The following COPA variants were observed in gnomAD, a reference collection of about 807,000 sequenced individuals.
COPA encodes coatomer subunit alpha.
COPA carries 10 observed loss-of-function variants against 158.7 expected under a neutral mutation model. The ratio of observed to expected loss-of-function variants is 0.06; its 90% confidence interval spans 0.04 to 0.11. COPA has a LOEUF of 0.11. Ranked by LOEUF, COPA falls within the 10% of genes least tolerant of loss-of-function variation. COPA has a pLI of 1.00. For synonymous variants in COPA, 462 were observed against 542.8 expected (o/e 0.85, Z 2.07); for missense variants, 1,065 against 1,536.7 (o/e 0.69, Z 5.13).
At position 160,297,742 on chromosome 1, in the gene COPA, C is replaced by T. The variant is rs1024535818; in HGVS notation, c.1981G>A (p.Ala661Thr). 1.9e-6 allele frequency: 3 copies of T among 1,613,228 alleles called. No homozygotes were observed. The African/African-American group carries it at 4.0e-5, about 22-fold the overall frequency. Residue 661 changes from alanine (A) to threonine (T), a missense_variant, in exon 20 of 33, where the codon GCT becomes ACT. Ala to Thr is a moderately conservative substitution (Grantham distance 58). Transcript: ENST00000241704. ...TCCAGTGCTTTGGCTGCTTCCAGAG[C>T]AATCTAAAGAATCCCCAGGGTCGTG... ...LALECGNIEI[A>T]LEAAKALDDK...
Position 160,343,240 on chromosome 1 carries a change from A to G in COPA, c.-70T>C. 1.2e-6 allele frequency: 2 copies of G among 1,602,858 alleles called. No homozygotes were observed. The highest frequency in any genetic ancestry group is 1.7e-6 in the Non-Finnish European group (2 of 1,169,828). On this transcript the variant is annotated 5_prime_UTR_variant, in exon 1 of 33. Transcript: ENST00000241704. Reference sequence around the variant, plus strand: ...ACCCTGCTGCCCTTCGGACGCCTCCACGTCAGCGACCCTCTCCCGCGGTTT... The same window carrying G: ...ACCCTGCTGCCCTTCGGACGCCTCCGCGTCAGCGACCCTCTCCCGCGGTTT...
rs1393581725 is a variant in COPA, at chr1:160,305,549, T to C, written c.1551A>G (p.Lys517=). Residue 517 remains lysine, a synonymous_variant, in exon 17 of 33, where the codon AAA becomes AAG. Transcript: ENST00000241704. ...AKHAIVICNR[K]LDALCNIHEN... ...CATGAATGTTACATAAAGCATCCAG[T>C]TTGCGGTTACAGATCACAATGGCTG... is the stretch of plus-strand genomic sequence containing the variant. The C allele has an allele frequency of 3.1e-6, 5 of 1,614,118 alleles. No homozygotes were observed. The highest frequency in any genetic ancestry group is 4.2e-6 in the Non-Finnish European group (5 of 1,180,022).
chr1:160,336,887 G>C (rs1239282924), intron 3 of COPA, among the ~76,000 whole-genome samples: 1 of 149,934 alleles, frequency 6.7e-6, no homozygotes, highest in Admixed American at 6.7e-5. Context: ...TAAAGGCAGG[G>C]TTCTTGTCCA....
At chr1:160,326,864 G>A (rs1385065315) in intron 6 of COPA, among the ~76,000 whole-genome samples, 2 of 152,134 alleles carry the variant, frequency 1.3e-5, no homozygotes, top group Non-Finnish European at 2.9e-5. Context: ...ACTTAAAAAC[G>A]ATGGAAAAAG....
At chr1:160,336,716 T>C (rs755976271) in intron 3 of COPA, among the ~76,000 whole-genome samples, 1 of 152,232 alleles carries the variant, frequency 6.6e-6, no homozygotes, top group East Asian at 1.9e-4. Context: ...TATTTAATTT[T>C]TTTAAATTTC....
At position 160,292,103 on chromosome 1, in the gene COPA, A is replaced by C; in HGVS notation, c.3056T>G (p.Val1019Gly). The C allele has an allele frequency of 1.2e-6, 2 of 1,614,192 alleles. No homozygotes were observed. Among genetic ancestry groups the C allele is most frequent in the Non-Finnish European group, 1.7e-6 (2 of 1,180,034 alleles). ...RLQLCYQLTT[V>G]GKFEEAVEKF... ...TTCCACAGCCTCCTCAAATTTGCCA[A>C]CTGTGGTGAGCTGGTAGCACAGCTG... is the stretch of plus-strand genomic sequence containing the variant. Residue 1019 changes from valine (V) to glycine (G), a missense_variant, in exon 29 of 33, where the codon GTT (valine) becomes GGT (glycine). Physicochemically the swap from Val to Gly is moderately radical, Grantham distance 109. Around this residue, in one of 2 missense-constraint regions of COPA, gnomAD observed 980 missense variants for 1,357.8 expected, o/e 0.72. Transcript: ENST00000241704.
chr1:160,307,357 T>G (rs775332641), intron 13 of COPA, 112 bp from the exon 14 acceptor site: 48 of 958,366 alleles, frequency 5.0e-5, no homozygotes, highest in Non-Finnish European at 7.8e-5. Context: ...GCTTTGCCAG[T>G]TGAGCTGCTT....
At chr1:160,303,535 T>C (rs764864889) in intron 17 of COPA, among the ~76,000 whole-genome samples, 1 of 152,204 alleles carries the variant, frequency 6.6e-6, no homozygotes, top group Non-Finnish European at 1.5e-5. Context: ...TAACTATCAA[T>C]GTCAGGTAGA....
At chr1:160,292,280 T>A (rs755567860) in intron 28 of COPA, 82 bp from the exon 29 acceptor site, 166 of 1,563,668 alleles carry the variant, frequency 1.1e-4, no homozygotes, top group Non-Finnish European at 1.3e-4. Context: ...AACATCCTCA[T>A]AGCTACCCTC....
At chr1:160,331,206 T>C (rs1249058772) in intron 6 of COPA, among the ~76,000 whole-genome samples, 1 of 152,212 alleles carries the variant, frequency 6.6e-6, no homozygotes, top group Non-Finnish European at 1.5e-5. Context: ...ATTTAAATTC[T>C]CTAGGTAGCA....
In COPA at chr1:160,333,671, G is replaced by A. The variant is rs267598120; in HGVS notation, c.318C>T (p.Pro106=). The A allele has an allele frequency of 6.2e-7, 1 of 1,611,764 alleles. No individual in the cohort carries two copies. Among genetic ancestry groups the A allele is most frequent in the Admixed American group, 1.7e-5 (1 of 59,922 alleles). ...GATCATCGGAGGCACTCAGAATCCA[G>A]GGATATTCCTGAAAGATATTCCAGA... ...IRTTFFHHEY[P]WILSASDDQT... The change falls in exon 5 of 33, where the codon CCC becomes CCT. Residue 106 remains proline, a synonymous_variant. Coordinates refer to ENST00000241704, the MANE Select transcript of COPA (RefSeq NM_004371.4).
chr1:160,299,328 A>G, intron 17 of COPA, 64 bp from the exon 18 acceptor site: 1 of 1,499,000 alleles, frequency 6.7e-7, no homozygotes, highest in African/African-American at 1.4e-5. Flanking sequence ...AAGAAACGGA[A>G]CAAACCTAGG....
In COPA at chr1:160,289,056, C is replaced by T. The variant is rs1274216684; in HGVS notation, c.*1101G>A. Among the ~76,000 whole-genome samples, 1 of 151,990 alleles carries T rather than the reference C, an allele frequency of 6.6e-6. No homozygotes were observed. The highest frequency in any genetic ancestry group is 2.1e-4 in the South Asian group (1 of 4,820). On this transcript the variant is annotated 3_prime_UTR_variant, in exon 33 of 33. Coordinates refer to ENST00000241704, the MANE Select transcript of COPA (RefSeq NM_004371.4). ...CGCGATCTCAGCTTACTGCAACCTC[C>T]GCCTCCCGGGTTCAAGCAATCCTCT...
chr1:160,325,762 A>C (rs1659472356), intron 6 of COPA, 110 bp from the exon 7 acceptor site: 2 of 791,134 alleles, frequency 2.5e-6, no homozygotes, highest in Admixed American at 2.5e-5. Context: ...AAAGAAATGG[A>C]AAAGACTGAA....
Position 160,305,221 on chromosome 1 carries a change from A to AT in COPA, c.1667+211dup, listed in dbSNP as rs66463106. 4.3e-3 allele frequency: 2,031 copies of AT among 469,108 alleles called. 1 individual carries two copies. The highest frequency in any genetic ancestry group is 8.2e-3 in the Middle Eastern group (14 of 1,714). 29.1% of individuals were successfully genotyped at this position (469,108 alleles called of 1,614,324 possible). On this transcript the variant is annotated intron_variant, in intron 17 of 32. Coordinates refer to ENST00000241704, the MANE Select transcript of COPA (RefSeq NM_004371.4). Reference sequence around the variant, plus strand: ...CACTACATAACTTATTTGTTATTCTATTTTTTTTTAATGTAATTGTCTATA... The same window carrying AT: ...CACTACATAACTTATTTGTTATTCTATTTTTTTTTTAATGTAATTGTCTATA...
intron 6 of COPA, 38 bp downstream of exon 6, chr1:160,332,410 G>A (rs1304979459): frequency 1.4e-6 from 2 of 1,449,968 alleles, no homozygotes; most frequent in Non-Finnish European, 1.9e-6. Flanking sequence ...TTTTGCACCA[G>A]AGATGACCAG....
intron 7 of COPA, among the ~76,000 whole-genome samples, chr1:160,324,695 T>C (rs1283705105): frequency 3.9e-5 from 6 of 152,168 alleles, no homozygotes; most frequent in African/African-American, 1.4e-4. Flanking sequence ...ATAGAATGTG[T>C]GCTGATATAT....
At chr1:160,324,154 C>A (rs1368115320) in intron 7 of COPA, among the ~76,000 whole-genome samples, 1 of 152,126 alleles carries the variant, frequency 6.6e-6, no homozygotes, top group Non-Finnish European at 1.5e-5. Context: ...AGCCACTGCG[C>A]CCGCCCGAAA....
At chr1:160,313,009 G>C in intron 10 of COPA, 76 bp downstream of exon 10, 1 of 1,326,576 alleles carries the variant, frequency 7.5e-7, no homozygotes, top group Non-Finnish European at 1.1e-6. Flanking sequence ...ATTTACTAGA[G>C]ACAAAGCTAA....
Sources: gnomAD v4.1 joint callset for allele counts (sites outside exome capture counted in the v4.1 genomes callset) on GRCh38, gnomAD v4.1.1 for gene constraint, gnomAD v4.1.1 regional missense constraint, MANE v1.5 for transcripts, NCBI Gene and HGNC (gene_info 2026-07-23, HGNC 2026-07-21) for gene names.